MEI4: variants seen among roughly 807,000 people sequenced by gnomAD.
MEI4 encodes meiotic double-stranded break formation protein 4.
In MEI4, 27 loss-of-function variants were observed where a neutral mutation model predicts 31.4. That is an observed-to-expected ratio of 0.86 (90% CI 0.63 to 1.19). The LOEUF (loss-of-function observed/expected upper bound fraction) is 1.19. MEI4 is among the 50% of genes most tolerant of loss of function. The pLI, the probability that MEI4 is intolerant of heterozygous loss-of-function variation, is 0.00. For synonymous variants in MEI4, 122 were observed against 145.4 expected (o/e 0.84, Z 1.16); for missense variants, 329 against 398.9 (o/e 0.82, Z 1.49).
intron 2 of MEI4, among the ~76,000 whole-genome samples, chr6:77,755,719 T>A (rs1045473094): frequency 3.0e-4 from 45 of 152,272 alleles, no homozygotes; most frequent in Admixed American, 1.9e-3. Flanking sequence ...ATATTTCATG[T>A]ACTTTTGGTT....
At chr6:77,864,028 G>A (rs1174627127) in intron 4 of MEI4, among the ~76,000 whole-genome samples, 3 of 152,114 alleles carry the variant, frequency 2.0e-5, no homozygotes, top group South Asian at 4.1e-4. Flanking sequence ...ACAAGCAAAT[G>A]CTGAGAGATT....
chr6:77,775,489 C>A (rs1310899904), intron 3 of MEI4, among the ~76,000 whole-genome samples: 4 of 152,106 alleles, frequency 2.6e-5, no homozygotes, highest in Admixed American at 1.3e-4. Flanking sequence ...TCAATACCAT[C>A]CAGGTTGATG....
In MEI4 at chr6:77,828,804, G is replaced by A. The variant is rs1770015044; in HGVS notation, c.769-127G>A. On this transcript the variant is annotated intron_variant, in intron 3 of 4. Coordinates refer to ENST00000684080, the MANE Select transcript of MEI4 (RefSeq NM_001322247.2). ...TTGTGTATTTTATGGTTGTTCTTGA[G>A]ACTGACCCAGAATTACATTGATACT... The A allele has an allele frequency of 1.1e-5, 7 of 638,964 alleles. No homozygotes were observed. The South Asian group carries it at 6.0e-4, about 55-fold the overall frequency. 39.6% of individuals were successfully genotyped at this position (638,964 alleles called of 1,614,324 possible). A position where few individuals can be genotyped will look rare whatever the true frequency, so the allele number is the denominator to read the frequency against.
chr6:77,765,406 A>AT (rs34127841), intron 3 of MEI4, among the ~76,000 whole-genome samples: 22,665 of 150,888 alleles, frequency 0.15, 2,186 homozygotes, highest in East Asian at 0.39. Context: ...AGCTGATTTT[A>AT]TTTTTTTTTA....
At chr6:77,695,364 C>T (rs2127653836) in intron 2 of MEI4, among the ~76,000 whole-genome samples, 1 of 152,172 alleles carries the variant, frequency 6.6e-6, no homozygotes, top group East Asian at 1.9e-4. Flanking sequence ...ATGGTATTGC[C>T]TAGGTTTTCT....
At chr6:77,833,900 C>G (rs1428409260) in intron 4 of MEI4, among the ~76,000 whole-genome samples, 1 of 152,126 alleles carries the variant, frequency 6.6e-6, no homozygotes, top group African/African-American at 2.4e-5. Flanking sequence ...GTTTTCTGTT[C>G]CTGTGTTGGT....
At chr6:77,892,509 AC>A (rs1456015538) in intron 4 of MEI4, among the ~76,000 whole-genome samples, 1 of 151,692 alleles carries the variant, frequency 6.6e-6, no homozygotes. Flanking sequence ...TTATCCCAGA[AC>A]CCCCTTAGGG....
chr6:77,691,848 G>A (rs1769163411), intron 2 of MEI4, among the ~76,000 whole-genome samples: 1 of 151,878 alleles, frequency 6.6e-6, no homozygotes, highest in South Asian at 2.1e-4. Context: ...TATTAATCAG[G>A]AGCCACTGGG....
chr6:77,735,918 TG>T, intron 2 of MEI4, among the ~76,000 whole-genome samples: 1 of 151,904 alleles, frequency 6.6e-6, no homozygotes, highest in Non-Finnish European at 1.5e-5. Context: ...CTGCCCCTGC[TG>T]GGGGATGCCT....
chr6:77,703,452 A>G (rs768126434), intron 2 of MEI4, among the ~76,000 whole-genome samples: 1 of 152,218 alleles, frequency 6.6e-6, no homozygotes, highest in African/African-American at 2.4e-5. Flanking sequence ...GGCTAAAACC[A>G]TTCACAGTAC....
intron 3 of MEI4, among the ~76,000 whole-genome samples, chr6:77,807,464 C>A (rs1769468393): frequency 6.6e-6 from 1 of 151,896 alleles, no homozygotes; most frequent in South Asian, 2.1e-4. Context: ...TGTAATTCAC[C>A]CCCAGTCTTA....
chr6:77,780,011 G>C (rs1237003529), intron 3 of MEI4, among the ~76,000 whole-genome samples: 1 of 152,150 alleles, frequency 6.6e-6, no homozygotes, highest in African/African-American at 2.4e-5. Flanking sequence ...AAAGAATGGA[G>C]ACTTCTTCAG....
At chr6:77,853,634 A>G (rs995179424) in intron 4 of MEI4, among the ~76,000 whole-genome samples, 2 of 152,152 alleles carry the variant, frequency 1.3e-5, no homozygotes, top group African/African-American at 4.8e-5. Flanking sequence ...AGATCTGGAG[A>G]AGTATTGCTT....
chr6:77,653,854 A>G (rs1018056904), intron 1 of MEI4, among the ~76,000 whole-genome samples: 1 of 152,156 alleles, frequency 6.6e-6, no homozygotes, highest in African/African-American at 2.4e-5. Flanking sequence ...TCAACCCCCC[A>G]TCATATGGTT....
Position 77,924,015 on chromosome 6 carries a change from TATG to T in MEI4, c.*670_*672del, listed in dbSNP as rs2127744123. Reference sequence around the variant, plus strand: ...ACTTGTTTCAATTCTGTTAATTAAATATGTTATAATAGTCTTGTAATTGTTAAA... The same window carrying T: ...ACTTGTTTCAATTCTGTTAATTAAATTTATAATAGTCTTGTAATTGTTAAA... On this transcript the variant is annotated 3_prime_UTR_variant, in exon 5 of 5. Transcript: ENST00000684080. The T allele has an allele frequency of 1.4e-5, 2 of 147,172 alleles. No homozygotes were observed. The highest frequency in any genetic ancestry group is 1.3e-4 in the Admixed American group (2 of 15,042). The allele number at this position is 147,172 out of a possible 1,614,324, so 9.1% of individuals were successfully genotyped here. A position where few individuals can be genotyped will look rare whatever the true frequency, so the allele number is the denominator to read the frequency against.
chr6:77,685,953 A>T (rs1376969868), intron 1 of MEI4, among the ~76,000 whole-genome samples: 1 of 151,646 alleles, frequency 6.6e-6, no homozygotes, highest in Non-Finnish European at 1.5e-5. Context: ...GGTGGGGCCT[A>T]GTGGGAGGTG....
At chr6:77,796,917 A>C (rs1035644863) in intron 3 of MEI4, among the ~76,000 whole-genome samples, 1 of 152,172 alleles carries the variant, frequency 6.6e-6, no homozygotes, top group Non-Finnish European at 1.5e-5. Context: ...TTACACATTT[A>C]CACTCCCTGT....
chr6:77,788,677 C>G (rs1332296165), intron 3 of MEI4, among the ~76,000 whole-genome samples: 1 of 151,970 alleles, frequency 6.6e-6, no homozygotes, highest in African/African-American at 2.4e-5. Context: ...AATAAAATAC[C>G]TAGGAATCCA....
intron 1 of MEI4, among the ~76,000 whole-genome samples, chr6:77,653,386 T>A (rs1478072321): frequency 6.6e-6 from 1 of 152,182 alleles, no homozygotes; most frequent in Non-Finnish European, 1.5e-5. Context: ...CACTTCTCAT[T>A]AGGAATTTTT....
Sources: allele counts gnomAD v4.1 joint callset (sites outside exome capture counted in the v4.1 genomes callset), GRCh38; gene constraint gnomAD v4.1.1; transcripts MANE v1.5; gene names NCBI Gene and HGNC (gene_info 2026-07-23, HGNC 2026-07-21).